Variants in KIF24 observed in about 807,000 individuals in gnomAD.
KIF24 encodes kinesin-like protein KIF24.
Under a neutral mutation model 118.9 loss-of-function variants are expected in KIF24, and 81 were observed. The observed-to-expected ratio is 0.68, with a 90% confidence interval of 0.57 to 0.82. The LOEUF (loss-of-function observed/expected upper bound fraction) is 0.82, where lower values mean the gene tolerates loss of function less well. KIF24 is among the 40% of genes least tolerant of loss of function. KIF24 has a pLI of 0.00. For missense variants in KIF24, 1,560 were observed against 1,661.6 expected (o/e 0.94, Z 1.06); for synonymous variants, 599 against 610.0 (o/e 0.98, Z 0.27).
In KIF24 at chr9:34,263,190, A is replaced by G. The variant is rs769165356; in HGVS notation, c.1444-18T>C. 23 of 1,599,594 alleles carry G rather than the reference A, an allele frequency of 1.4e-5. No individual in the cohort carries two copies. Among genetic ancestry groups the G allele is most frequent in the African/African-American group, 4.0e-5 (3 of 74,674 alleles). Reference sequence around the variant, plus strand: ...TCCTTCAGCTGCAAAGTGGGAGAACAAGCACATCAAGTATCAAGTGCAAAG... The same window carrying G: ...TCCTTCAGCTGCAAAGTGGGAGAACGAGCACATCAAGTATCAAGTGCAAAG... On this transcript the variant is annotated intron_variant, in intron 8 of 12. Transcript: ENST00000402558.
intron 3 of KIF24, among the ~76,000 whole-genome samples, chr9:34,300,828 TGTGG>T (rs1836671541): frequency 7.5e-6 from 1 of 132,584 alleles, no homozygotes; most frequent in South Asian, 2.4e-4. Context: ...TATCTATAGA[TGTGG>T]ATATATTCGG....
At chr9:34,333,439 C>G (rs1298763467), upstream of KIF24, among the ~76,000 whole-genome samples, 1 of 152,010 alleles carries the variant, frequency 6.6e-6, no homozygotes, top group Admixed American at 6.6e-5. Context: ...CTAGCTTGGT[C>G]AGCATAGCAA....
Position 34,262,964 on chromosome 9 carries a change from T to C in KIF24, c.1515+137A>G, listed in dbSNP as rs1835150164. 1.2e-5 allele frequency: 8 copies of C among 658,600 alleles called. No homozygotes were observed. In the South Asian group the frequency reaches 1.4e-4, roughly 12 times the overall value. The allele number at this position is 658,600 out of a possible 1,614,324, so 40.8% of individuals were successfully genotyped here. On this transcript the variant is annotated intron_variant, in intron 9 of 12. Transcript: ENST00000402558. ...ACAGAGTTCCTGGATGGAATTTCACTCCTCTCCTTCTCTTTTCCCCACTGT... is the reference window on the plus strand; with the variant it reads ...ACAGAGTTCCTGGATGGAATTTCACCCCTCTCCTTCTCTTTTCCCCACTGT...
chr9:34,290,138 T>C (rs1836196573), intron 5 of KIF24, 36 bp downstream of exon 5: 1 of 1,450,764 alleles, frequency 6.9e-7, no homozygotes. Flanking sequence ...AAAATAGCGA[T>C]GAACAGATTT....
chr9:34,284,514 A>G (rs1233153624), intron 6 of KIF24, among the ~76,000 whole-genome samples: 1 of 152,178 alleles, frequency 6.6e-6, no homozygotes, highest in East Asian at 1.9e-4. Flanking sequence ...ATAAAAATGA[A>G]GAAAACTAAA....
intron 1 of KIF24, among the ~76,000 whole-genome samples, chr9:34,315,701 G>A (rs1186710301): frequency 1.3e-5 from 2 of 152,206 alleles, no homozygotes; most frequent in Non-Finnish European, 2.9e-5. Context: ...TATTTTAAGT[G>A]AATAGTATCT....
At position 34,256,503 on chromosome 9, in the gene KIF24, C is replaced by T. The variant is rs1315671948; in HGVS notation, c.3104G>A (p.Arg1035Lys). 7 of 1,613,466 alleles carry T rather than the reference C, an allele frequency of 4.3e-6. No individual in the cohort carries two copies. In the African/African-American group the frequency reaches 6.7e-5, roughly 15 times the overall value. Residue 1035 changes from arginine to lysine, a missense_variant, in exon 11 of 13, where the codon AGG (arginine) becomes AAG (lysine). Physicochemically the swap from Arg to Lys is conservative, Grantham distance 26. Coordinates refer to ENST00000402558, the MANE Select transcript of KIF24 (RefSeq NM_194313.4). ...TTCAGCATGCGTGCCTAACTGCCCCCTAGGATCCTCTCCTGGGACAGCATG... is the reference window on the plus strand; with the variant it reads ...TTCAGCATGCGTGCCTAACTGCCCCTTAGGATCCTCTCCTGGGACAGCATG... ...NGHAVPGEDP[R>K]GQLGTHAEYA...
Position 34,269,345 on chromosome 9 carries a change from A to G in KIF24, c.1355T>C (p.Leu452Ser). Residue 452 changes from leucine to serine, a missense_variant, in exon 8 of 13, where the codon TTG becomes TCG. Leu to Ser is a moderately radical substitution (Grantham distance 145). Transcript: ENST00000402558. ...RTFGRISFID[L>S]AGSERAADAR... ...ATCTGCTGCTCTTTCACTGCCAGCC[A>G]AGTCAATAAAAGAGATCCTAGAGAA... 1 of 1,594,920 alleles carries G rather than the reference A, an allele frequency of 6.3e-7. No homozygotes were observed.
At chr9:34,313,516 T>G (rs563431042) in intron 1 of KIF24, among the ~76,000 whole-genome samples, 1 of 151,608 alleles carries the variant, frequency 6.6e-6, no homozygotes, top group South Asian at 2.1e-4. Flanking sequence ...TTTTTAGAGA[T>G]AGGGTCTTTG....
chr9:34,270,672 T>C (rs1269103190), intron 7 of KIF24, among the ~76,000 whole-genome samples: 2 of 149,330 alleles, frequency 1.3e-5, no homozygotes, highest in Admixed American at 6.7e-5. Context: ...TGTCACCCCA[T>C]TGATCTAACT....
intron 1 of KIF24, among the ~76,000 whole-genome samples, chr9:34,324,652 C>T (rs1388069690): frequency 1.3e-5 from 2 of 152,078 alleles, no homozygotes; most frequent in African/African-American, 4.8e-5. Flanking sequence ...ATTAAAAACC[C>T]TTCAATGGTA....
chr9:34,290,023 G>C (rs984844844), intron 5 of KIF24, 151 bp downstream of exon 5: 2 of 529,066 alleles, frequency 3.8e-6, no homozygotes, highest in East Asian at 2.8e-5. Context: ...TTGACAGCTA[G>C]AAAATATGTA....
Position 34,254,497 on chromosome 9 carries a change from C to T in KIF24, c.3990G>A (p.Gln1330=). ...ASNDFEDFVT[Q]LDEIMVLKSK... ...ATTTCAGAACCATGATTTCATCCAG[C>T]TGGGTCACAAAATCTTCAAAATCCT... is the stretch of plus-strand genomic sequence containing the variant. The change falls in exon 13 of 13, where the codon CAG becomes CAA. Residue 1330 remains glutamine, a synonymous_variant. Transcript: ENST00000402558. The T allele has an allele frequency of 1.9e-6, 3 of 1,613,672 alleles. No homozygotes were observed. The highest frequency in any genetic ancestry group is 8.5e-7 in the Non-Finnish European group (1 of 1,179,780).
upstream of KIF24, among the ~76,000 whole-genome samples, chr9:34,330,690 G>T (rs1374527188): frequency 6.6e-6 from 1 of 152,172 alleles, no homozygotes; most frequent in African/African-American, 2.4e-5. Flanking sequence ...GGCCGGGCGC[G>T]GTGGCTCACG....
chr9:34,296,092 G>A (rs1232394404), intron 4 of KIF24, among the ~76,000 whole-genome samples: 6 of 149,462 alleles, frequency 4.0e-5, no homozygotes, highest in East Asian at 2.0e-4. Flanking sequence ...GGTGGTGGGC[G>A]CCTGTAGTCC....
chr9:34,332,532 G>A (rs899053421), upstream of KIF24, among the ~76,000 whole-genome samples: 2 of 152,146 alleles, frequency 1.3e-5, no homozygotes, highest in Non-Finnish European at 2.9e-5. Flanking sequence ...CAAATTCCCC[G>A]AGTTAGCTTT....
chr9:34,275,826 G>A (rs1035100670), intron 6 of KIF24, among the ~76,000 whole-genome samples: 2 of 151,910 alleles, frequency 1.3e-5, no homozygotes, highest in Non-Finnish European at 2.9e-5. Context: ...GTGACAGAGC[G>A]AGTGTCTGTC....
chr9:34,268,388 T>G (rs975531564), intron 8 of KIF24, among the ~76,000 whole-genome samples: 1 of 151,998 alleles, frequency 6.6e-6, no homozygotes, highest in Non-Finnish European at 1.5e-5. Flanking sequence ...CTGATCTACC[T>G]CAAGTGATCC....
At chr9:34,305,743 A>G (rs1480418568) in intron 3 of KIF24, among the ~76,000 whole-genome samples, 1 of 152,152 alleles carries the variant, frequency 6.6e-6, no homozygotes, top group East Asian at 1.9e-4. Context: ...AGTTAAGACT[A>G]CAGGTACACA....
Sources: allele counts gnomAD v4.1 joint callset (sites outside exome capture counted in the v4.1 genomes callset), GRCh38; gene constraint gnomAD v4.1.1; transcripts MANE v1.5; gene names NCBI Gene and HGNC (gene_info 2026-07-23, HGNC 2026-07-21).